Variants in KANSL2 observed in about 807,000 individuals in gnomAD.
KANSL2 encodes the protein KAT8 regulatory NSL complex subunit 2, also known as NSL complex protein NSL2.
KANSL2 carries 34 observed loss-of-function variants against 55.6 expected under a neutral mutation model. The ratio of observed to expected loss-of-function variants is 0.61; its 90% CI spans 0.46 to 0.81. KANSL2 has a LOEUF of 0.81. KANSL2 is among the 40% of genes least tolerant of loss of function. KANSL2 has a pLI of 0.00. For synonymous variants in KANSL2, 209 were observed against 214.3 expected (o/e 0.98, Z 0.22); for missense variants, 502 against 609.9 (o/e 0.82, Z 1.86).
intron 5 of KANSL2, among the ~76,000 whole-genome samples, chr12:48,671,166 G>C (rs1293829611): frequency 6.6e-6 from 1 of 151,962 alleles, no homozygotes; most frequent in South Asian, 2.1e-4. Context: ...TTGGGAGGCT[G>C]AGGTGGGAGA....
chr12:48,681,641 C>A lies in KANSL2; in HGVS notation c.-9G>T. ...ATCCGAATCCTGTTCATAACCAAAACCTGCGGGGTCAAACGAAAGACCAAA... is the reference window on the plus strand; with the variant it reads ...ATCCGAATCCTGTTCATAACCAAAAACTGCGGGGTCAAACGAAAGACCAAA... On this transcript the variant is annotated splice_region_variant and 5_prime_UTR_variant, in exon 2 of 10. Coordinates refer to ENST00000420613, the MANE Select transcript of KANSL2 (RefSeq NM_017822.4). 6.2e-7 allele frequency: 1 copy of A among 1,613,964 alleles called. No individual in the cohort carries two copies. Among genetic ancestry groups the A allele is most frequent in the Non-Finnish European group, 8.5e-7 (1 of 1,179,892 alleles).
intron 8 of KANSL2, among the ~76,000 whole-genome samples, chr12:48,658,063 T>C (rs1329666135): frequency 6.6e-6 from 1 of 151,974 alleles, no homozygotes; most frequent in African/African-American, 2.4e-5. Flanking sequence ...AAACCCTGTC[T>C]CTACTAAAAA....
At position 48,681,426 on chromosome 12, in the gene KANSL2, T is replaced by C. The variant is rs1592111851; in HGVS notation, c.207A>G (p.Gly69=). 1 of 1,613,934 alleles carries C rather than the reference T, an allele frequency of 6.2e-7. No individual in the cohort carries two copies. Among genetic ancestry groups the C allele is most frequent in the East Asian group, 2.2e-5 (1 of 44,882 alleles). Residue 69 remains glycine, a synonymous_variant, in exon 2 of 10, where the codon GGA becomes GGG. Transcript: ENST00000420613. The part of the protein sequence containing the change: ...KQCSYISTKN[G]KRCPNAAPKP... ...TTGGGGCAGCATTGGGACATCTTTT[T>C]CCATTCTTCGTCGATATATAACTAC...
At chr12:48,664,452 G>T (rs1939550638) in intron 7 of KANSL2, among the ~76,000 whole-genome samples, 1 of 151,250 alleles carries the variant, frequency 6.6e-6, no homozygotes, top group South Asian at 2.1e-4. Context: ...GCTAATTTTT[G>T]TATTTTTAGT....
At chr12:48,676,358 G>A (rs1013660093) in intron 4 of KANSL2, among the ~76,000 whole-genome samples, 10 of 151,990 alleles carry the variant, frequency 6.6e-5, no homozygotes, top group Non-Finnish European at 1.0e-4. Context: ...CTCCCACCTC[G>A]ACCTCCCAAA....
At chr12:48,676,575 T>A (rs1939825696) in intron 4 of KANSL2, among the ~76,000 whole-genome samples, 1 of 152,040 alleles carries the variant, frequency 6.6e-6, no homozygotes, top group Admixed American at 6.6e-5. Flanking sequence ...GGAAAATCAT[T>A]TGAACCCGGG....
At chr12:48,665,268 T>A (rs1038684542) in intron 7 of KANSL2, among the ~76,000 whole-genome samples, 3 of 152,094 alleles carry the variant, frequency 2.0e-5, no homozygotes, top group African/African-American at 7.2e-5. Flanking sequence ...CCTCTCCCTA[T>A]TAAAGAAAAT....
At chr12:48,663,898 C>CTTA (rs1281566773) in intron 7 of KANSL2, among the ~76,000 whole-genome samples, 4 of 145,492 alleles carry the variant, frequency 2.7e-5, no homozygotes, top group African/African-American at 5.0e-5. Context: ...AAGATACACA[C>CTTA]TTTTAACTAT....
intron 8 of KANSL2, among the ~76,000 whole-genome samples, chr12:48,659,845 A>C (rs992580445): frequency 4.6e-5 from 7 of 152,258 alleles, no homozygotes; most frequent in Non-Finnish European, 1.0e-4. Flanking sequence ...TACATATTAT[A>C]GTATGGATAA....
intron 9 of KANSL2, 41 bp from the exon 10 acceptor site, chr12:48,654,216 C>A: frequency 6.4e-7 from 1 of 1,574,068 alleles, no homozygotes; most frequent in South Asian, 1.2e-5. Context: ...GTAATTCATT[C>A]ACTGTGGTCT....
intron 5 of KANSL2, among the ~76,000 whole-genome samples, chr12:48,670,652 GTT>G (rs1055740315): frequency 7.2e-5 from 11 of 152,150 alleles, no homozygotes; most frequent in African/African-American, 2.7e-4. Flanking sequence ...GAGTCCAGAA[GTT>G]TTTCTTAAAA....
intron 5 of KANSL2, among the ~76,000 whole-genome samples, chr12:48,670,798 T>C (rs1939698564): frequency 6.6e-6 from 1 of 151,146 alleles, no homozygotes; most frequent in Non-Finnish European, 1.5e-5. Flanking sequence ...AGCGAGACCC[T>C]GTCTCTACAA....
At chr12:48,672,997 G>C (rs564875506) in intron 4 of KANSL2, among the ~76,000 whole-genome samples, 18 of 151,990 alleles carry the variant, frequency 1.2e-4, no homozygotes, top group African/African-American at 4.3e-4. Context: ...ACCTCAGATC[G>C]ATCTTCCAGC....
rs967967756 is a variant in KANSL2 at position 48,663,595 on chromosome 12, C to G, written c.974-2976G>C. Among the ~76,000 whole-genome samples, 6 of 152,090 alleles carry G rather than the reference C, an allele frequency of 3.9e-5. No individual in the cohort carries two copies. In the East Asian group the frequency reaches 1.2e-3, roughly 29 times the overall value. On this transcript the variant is annotated intron_variant, in intron 7 of 9. Coordinates refer to ENST00000420613, the MANE Select transcript of KANSL2 (RefSeq NM_017822.4). ...ACAAAAAGACCATGAGAATAAGGAC[C>G]TCTATGATAATCCACTTCCATTTAA... is the stretch of plus-strand genomic sequence containing the variant.
chr12:48,681,990 G>C (rs1362306534), intron 1 of KANSL2, 197 bp downstream of exon 1: 1 of 703,016 alleles, frequency 1.4e-6, no homozygotes, highest in Admixed American at 2.0e-5. Flanking sequence ...GCACGACTGG[G>C]CCTGGCCTCG....
intron 6 of KANSL2, among the ~76,000 whole-genome samples, chr12:48,668,825 A>AG (rs1939651104): frequency 6.6e-6 from 1 of 151,954 alleles, no homozygotes; most frequent in Admixed American, 6.6e-5. Context: ...GTAGATCACG[A>AG]GGTCAGGCAT....
chr12:48,664,832 T>C (rs1487927291), intron 7 of KANSL2, among the ~76,000 whole-genome samples: 3 of 151,138 alleles, frequency 2.0e-5, no homozygotes, highest in Non-Finnish European at 4.4e-5. Context: ...TCCACCCATC[T>C]TGGCCTCCCA....
intron 7 of KANSL2, among the ~76,000 whole-genome samples, chr12:48,661,039 T>C (rs78446965): frequency 6.6e-6 from 1 of 152,314 alleles, no homozygotes; most frequent in East Asian, 1.9e-4. Flanking sequence ...TCTGCTCCCT[T>C]AGCAGACTGG....
At chr12:48,670,796 CCT>C (rs568145769) in intron 5 of KANSL2, among the ~76,000 whole-genome samples, 10 of 151,544 alleles carry the variant, frequency 6.6e-5, no homozygotes, top group Non-Finnish European at 1.3e-4. Flanking sequence ...ATAGCGAGAC[CCT>C]GTCTCTACAA....
Sources: allele counts gnomAD v4.1 joint callset (sites outside exome capture counted in the v4.1 genomes callset), GRCh38; gene constraint gnomAD v4.1.1; transcripts MANE v1.5; gene names NCBI Gene and HGNC (gene_info 2026-07-23, HGNC 2026-07-21).